The following TMEM232 variants were observed in gnomAD, a reference collection of about 807,000 sequenced individuals.
TMEM232 encodes the protein transmembrane protein 232.
In TMEM232, 80 loss-of-function variants were observed where a neutral mutation model predicts 78.8. The observed-to-expected ratio is 1.01, with a 90% CI of 0.85 to 1.22. TMEM232 has a LOEUF of 1.22. Among genes scored for constraint, TMEM232 ranks in the 50% most tolerant of loss-of-function variants. TMEM232 has a pLI of 0.00. For missense variants in TMEM232, 881 were observed against 742.2 expected (o/e 1.19, Z -2.17); for synonymous variants, 297 against 254.3 (o/e 1.17, Z -1.60).
chr5:110,619,761 T>C (rs1783397346), intron 7 of TMEM232, among the ~76,000 whole-genome samples: 1 of 152,132 alleles, frequency 6.6e-6, no homozygotes, highest in Non-Finnish European at 1.5e-5. Flanking sequence ...TCAGCCTGGA[T>C]GCCTGACAAT....
In TMEM232 at chr5:110,606,271, C is replaced by G. The variant is rs559407829; in HGVS notation, c.919G>C (p.Ala307Pro). The G allele has an allele frequency of 6.5e-7, 1 of 1,535,466 alleles. No homozygotes were observed. The highest frequency in any genetic ancestry group is 8.8e-7 in the Non-Finnish European group (1 of 1,136,504). The change falls in exon 9 of 14, where the codon GCT becomes CCT. Residue 307 changes from alanine (A) to proline (P), a missense_variant. By Grantham distance (27) the Ala-to-Pro change is conservative. Coordinates refer to ENST00000455884, the MANE Select transcript of TMEM232 (RefSeq NM_001039763.4). ...QKKCWLDSVL[A>P]LLVLGEAAKL... ...GCAGCCTCCCCAAGGACCAGTAAAG[C>G]CAGTACTGAATCCAACCTGAAAATT...
At chr5:110,585,777 G>C (rs546539184) in intron 10 of TMEM232, among the ~76,000 whole-genome samples, 9 of 152,192 alleles carry the variant, frequency 5.9e-5, no homozygotes, top group Admixed American at 5.2e-4. Flanking sequence ...TTCTCATCCA[G>C]CTCCCTGCGG....
intron 2 of TMEM232, among the ~76,000 whole-genome samples, chr5:110,734,606 G>A (rs988996700): frequency 6.6e-6 from 1 of 152,126 alleles, no homozygotes; most frequent in East Asian, 1.9e-4. Context: ...GAATAAACTC[G>A]GCAATTAAGA....
chr5:110,697,690 T>TA (rs888091278), intron 1 of TMEM232, among the ~76,000 whole-genome samples: 5 of 151,940 alleles, frequency 3.3e-5, no homozygotes, highest in Non-Finnish European at 7.4e-5. Context: ...AACAGACACA[T>TA]AAAAAAATGC....
chr5:110,400,847 C>A (rs1211530186), intron 2 of TMEM232, among the ~76,000 whole-genome samples: 1 of 151,940 alleles, frequency 6.6e-6, no homozygotes, highest in Non-Finnish European at 1.5e-5. Context: ...CTTGCTGTAT[C>A]CTTTTGTTCT....
chr5:110,737,002 T>TAAA (rs5870418), intron 1 of TMEM232, among the ~76,000 whole-genome samples: 2 of 134,684 alleles, frequency 1.5e-5, no homozygotes, highest in Non-Finnish European at 3.2e-5. Context: ...TTCCTTATTC[T>TAAA]AAAAAAAAAA....
At chr5:110,604,690 G>T (rs1028299439) in intron 10 of TMEM232, among the ~76,000 whole-genome samples, 2 of 152,114 alleles carry the variant, frequency 1.3e-5, no homozygotes, top group Non-Finnish European at 2.9e-5. Flanking sequence ...TGGGCGCAGT[G>T]GTTCACGAAT....
chr5:110,420,853 T>C, intron 13 of TMEM232, 97 bp from the exon 14 acceptor site: 1 of 1,419,684 alleles, frequency 7.0e-7, no homozygotes, highest in Non-Finnish European at 9.1e-7. Flanking sequence ...CCAATTATCC[T>C]TTCAGGTTTT....
chr5:110,706,562 C>T (rs940000534), intron 1 of TMEM232, among the ~76,000 whole-genome samples: 23 of 152,124 alleles, frequency 1.5e-4, no homozygotes, highest in African/African-American at 5.1e-4. Flanking sequence ...TTCTAATGCC[C>T]ATTTTGCCTC....
At chr5:110,418,153 C>T (rs943066511), downstream of TMEM232, 4 of 152,106 alleles carry the variant, frequency 2.6e-5, no homozygotes, top group African/African-American at 9.7e-5. Context: ...TTCTATGTTC[C>T]CTTTCCATTT....
At chr5:110,464,986 C>G (rs1363450782) in intron 12 of TMEM232, among the ~76,000 whole-genome samples, 1 of 152,174 alleles carries the variant, frequency 6.6e-6, no homozygotes, top group Non-Finnish European at 1.5e-5. Context: ...CCAGCCAAAG[C>G]TAAGGACTGG....
chr5:110,572,273 G>T (rs1050176330), intron 10 of TMEM232, among the ~76,000 whole-genome samples: 2 of 151,944 alleles, frequency 1.3e-5, no homozygotes, highest in African/African-American at 2.4e-5. Context: ...GTAAAAATAT[G>T]GCTAGAATGC....
At chr5:110,404,525 G>T (rs1290837123) in intron 2 of TMEM232, among the ~76,000 whole-genome samples, 2 of 152,080 alleles carry the variant, frequency 1.3e-5, no homozygotes, top group Non-Finnish European at 2.9e-5. Flanking sequence ...GAGCCCTAAA[G>T]ATTAGGCAAA....
At chr5:110,690,766 C>A (rs1794021345) in intron 1 of TMEM232, among the ~76,000 whole-genome samples, 1 of 152,134 alleles carries the variant, frequency 6.6e-6, no homozygotes, top group African/African-American at 2.4e-5. Context: ...AAATGTAGCA[C>A]ATATACACCA....
intron 12 of TMEM232, among the ~76,000 whole-genome samples, chr5:110,524,411 G>GAAAGAAAGACAGAAAAGA (rs1554098914): frequency 1.6e-5 from 1 of 61,426 alleles, no homozygotes; most frequent in Admixed American, 1.7e-4. Flanking sequence ...AAGAAAGAAA[G>GAAAGAAAGACAGAAAAGA]AAAGAAAAGA....
intron 1 of TMEM232, among the ~76,000 whole-genome samples, chr5:110,668,805 G>C (rs183623511): frequency 1.3e-5 from 2 of 152,178 alleles, no homozygotes; most frequent in Non-Finnish European, 2.9e-5. Context: ...AATCAAACTA[G>C]AACTCAGGAT....
chr5:110,595,324 G>A (rs751950038), intron 10 of TMEM232, among the ~76,000 whole-genome samples: 3 of 152,176 alleles, frequency 2.0e-5, no homozygotes, highest in Non-Finnish European at 4.4e-5. Flanking sequence ...GGGAAAACCA[G>A]TGCAAAAATG....
At chr5:110,677,811 T>A (rs1229025798) in intron 1 of TMEM232, among the ~76,000 whole-genome samples, 2 of 152,148 alleles carry the variant, frequency 1.3e-5, no homozygotes, top group East Asian at 1.9e-4. Context: ...TTGAAAAAAA[T>A]TTCTTCTTTG....
At chr5:110,718,993 T>G (rs1797304018) in intron 1 of TMEM232, among the ~76,000 whole-genome samples, 1 of 152,052 alleles carries the variant, frequency 6.6e-6, no homozygotes, top group African/African-American at 2.4e-5. Flanking sequence ...AGAAATGAGT[T>G]GTAAGGCGAT....
Sources: allele counts gnomAD v4.1 joint callset (sites outside exome capture counted in the v4.1 genomes callset), GRCh38; gene constraint gnomAD v4.1.1; transcripts MANE v1.5; gene names NCBI Gene and HGNC (gene_info 2026-07-23, HGNC 2026-07-21).